Variants in RASGRP3 observed in about 807,000 individuals in gnomAD.
RASGRP3 encodes the protein RAS guanyl releasing protein 3, also known as ras guanyl-releasing protein 3.
RASGRP3 carries 54 observed loss-of-function variants against 82.7 expected under a neutral mutation model. That is an observed-to-expected ratio of 0.65 (90% CI 0.52 to 0.82). The LOEUF (loss-of-function observed/expected upper bound fraction) is 0.82, where lower values mean the gene tolerates loss of function less well. Among genes scored for constraint, RASGRP3 ranks in the 40% least tolerant of loss-of-function variants. RASGRP3 has a pLI of 0.00. For missense variants in RASGRP3, 861 were observed against 828.9 expected (o/e 1.04, Z -0.48); for synonymous variants, 309 against 300.5 (o/e 1.03, Z -0.29).
At chr2:33,496,968 A>C (rs1382754967) in intron 1 of RASGRP3, among the ~76,000 whole-genome samples, 1 of 152,228 alleles carries the variant, frequency 6.6e-6, no homozygotes, top group East Asian at 1.9e-4. Flanking sequence ...TGACATTTCA[A>C]GTGTAAATAC....
intron 1 of RASGRP3, among the ~76,000 whole-genome samples, chr2:33,445,906 T>A (rs1195174907): frequency 2.0e-5 from 3 of 152,162 alleles, no homozygotes; most frequent in Non-Finnish European, 4.4e-5. Flanking sequence ...ATTTATCTTG[T>A]TTCTTAATAT....
At chr2:33,497,513 T>C (rs560173001) in intron 1 of RASGRP3, among the ~76,000 whole-genome samples, 2 of 152,358 alleles carry the variant, frequency 1.3e-5, no homozygotes, top group African/African-American at 4.8e-5. Context: ...TTGTGTAATA[T>C]CCACTCCCCC....
chr2:33,551,146 C>G (rs930242808), intron 14 of RASGRP3, among the ~76,000 whole-genome samples: 14 of 152,162 alleles, frequency 9.2e-5, no homozygotes, highest in African/African-American at 3.4e-4. Context: ...AAACCCGTCT[C>G]TACCAAAAAT....
rs771714219 is a variant in RASGRP3 at position 33,558,346 on chromosome 2, T to C, written c.1705+10T>C. On this transcript the variant is annotated intron_variant, in intron 16 of 17. Coordinates refer to ENST00000403687, the MANE Select transcript of RASGRP3 (RefSeq NM_001139488.2). The stretch of plus-strand genomic sequence containing the variant: ...CCCTCGCTGCCCCCAGGTAATGCCC[T>C]CTGCTTTCTTTGCTGCCATGGTCTC... 2 of 1,612,924 alleles carry C rather than the reference T, an allele frequency of 1.2e-6. No homozygotes were observed. The highest frequency in any genetic ancestry group is 3.3e-5 in the Admixed American group (2 of 59,996).
At chr2:33,512,845 AT>A (rs894883565) in intron 2 of RASGRP3, among the ~76,000 whole-genome samples, 2 of 152,204 alleles carry the variant, frequency 1.3e-5, no homozygotes, top group Non-Finnish European at 2.9e-5. Context: ...AAACACAAAA[AT>A]CCCTACAATC....
At chr2:33,470,496 C>A (rs1666992588) in intron 2 of RASGRP3, among the ~76,000 whole-genome samples, 1 of 151,822 alleles carries the variant, frequency 6.6e-6, no homozygotes, top group South Asian at 2.1e-4. Flanking sequence ...TTTCCTGCCT[C>A]AGCCTCCCGA....
chr2:33,473,789 T>C (rs886508242), upstream of RASGRP3, among the ~76,000 whole-genome samples: 3 of 152,094 alleles, frequency 2.0e-5, no homozygotes, highest in African/African-American at 7.2e-5. Flanking sequence ...CTCCTGGCTA[T>C]AGAACTAGAA....
At chr2:33,457,356 C>A (rs1333144586) in intron 2 of RASGRP3, among the ~76,000 whole-genome samples, 1 of 151,898 alleles carries the variant, frequency 6.6e-6, no homozygotes, top group African/African-American at 2.4e-5. Context: ...GGTTTGTTGT[C>A]ACTGCAGATA....
intron 14 of RASGRP3, among the ~76,000 whole-genome samples, chr2:33,552,587 T>C (rs1675479510): frequency 6.6e-6 from 1 of 152,224 alleles, no homozygotes; most frequent in Non-Finnish European, 1.5e-5. Context: ...GCTCTATAGA[T>C]GTGTCATTGA....
chr2:33,509,652 C>T (rs1345806178), intron 1 of RASGRP3, among the ~76,000 whole-genome samples: 1 of 152,122 alleles, frequency 6.6e-6, no homozygotes. Flanking sequence ...TAAATTAGTG[C>T]CCCTCCCTAC....
rs377215232 is a variant in RASGRP3 at position 33,540,556 on chromosome 2, TTGTGTGTGTGTGTGTG to T, written c.1278+1380_1278+1395del. ...CTCTCTCTCTCTCTGTGTGTGTGTTTTGTGTGTGTGTGTGTGTGTGTGTGTGTGTGTGTGTGTGTGT... is the reference window on the plus strand; with the variant it reads ...CTCTCTCTCTCTCTGTGTGTGTGTTTTGTGTGTGTGTGTGTGTGTGTGTGT... On this transcript the variant is annotated intron_variant, in intron 12 of 17. Coordinates refer to ENST00000403687, the MANE Select transcript of RASGRP3 (RefSeq NM_001139488.2). Among the ~76,000 whole-genome samples, 5 of 38,654 alleles carry T rather than the reference TTGTGTGTGTGTGTGTG, an allele frequency of 1.3e-4. No homozygotes were observed. The South Asian group carries it at 2.3e-3, about 17-fold the overall frequency. The allele number at this position is 38,654 out of a possible 152,430, so 25.4% of individuals were successfully genotyped here.
intron 1 of RASGRP3, among the ~76,000 whole-genome samples, chr2:33,485,014 C>T (rs1220395223): frequency 6.6e-6 from 1 of 152,124 alleles, no homozygotes; most frequent in African/African-American, 2.4e-5. Context: ...GCCTGACCAA[C>T]AAGGAGAAAC....
rs182365790 is a variant in RASGRP3 at position 33,450,446 on chromosome 2, A to C, written c.-261+2503A>C. ...CTCTGTTACTGAGTTCAACTTTTTTAGATTTCACAAAAAATGAGATCCTGC... is the reference window on the plus strand; with the variant it reads ...CTCTGTTACTGAGTTCAACTTTTTTCGATTTCACAAAAAATGAGATCCTGC... On this transcript the variant is annotated intron_variant, in intron 2 of 18. Coordinates refer to the RASGRP3 transcript ENST00000402538. 7.9e-5 allele frequency among the ~76,000 whole-genome samples: 12 copies of C among 152,246 alleles called. No homozygotes were observed. In the East Asian group the frequency reaches 2.3e-3, roughly 29 times the overall value.
chr2:33,499,549 C>A (rs1395161574), intron 1 of RASGRP3, among the ~76,000 whole-genome samples: 1 of 152,072 alleles, frequency 6.6e-6, no homozygotes, highest in Admixed American at 6.5e-5. Context: ...CGGAGTGAGA[C>A]CCGCATCTCA....
chr2:33,556,711 C>T (rs903694558), intron 15 of RASGRP3, among the ~76,000 whole-genome samples: 1 of 152,068 alleles, frequency 6.6e-6, no homozygotes, highest in African/African-American at 2.4e-5. Flanking sequence ...AAAAAGCTTC[C>T]CAAATCTCAA....
intron 1 of RASGRP3, among the ~76,000 whole-genome samples, chr2:33,495,739 A>G (rs1440001274): frequency 2.0e-5 from 3 of 152,218 alleles, no homozygotes; most frequent in East Asian, 1.9e-4. Context: ...AAATAAAAAA[A>G]GAACAATTCT....
intron 1 of RASGRP3, among the ~76,000 whole-genome samples, chr2:33,444,160 G>C (rs1193358802): frequency 2.0e-5 from 3 of 152,036 alleles, no homozygotes; most frequent in African/African-American, 7.2e-5. Flanking sequence ...TTAAACATTA[G>C]CTGGGCATGG....
chr2:33,486,723 T>C (rs1446762126), intron 1 of RASGRP3, among the ~76,000 whole-genome samples: 3 of 152,148 alleles, frequency 2.0e-5, no homozygotes, highest in African/African-American at 7.2e-5. Context: ...GTTGGTGACA[T>C]TTAAGCTGGG....
chr2:33,505,153 T>TCACCACCACCACCAC (rs10652330), intron 1 of RASGRP3, among the ~76,000 whole-genome samples: 1 of 149,934 alleles, frequency 6.7e-6, no homozygotes, highest in African/African-American at 2.5e-5. Flanking sequence ...ATCATCATCA[T>TCACCACCACCACCAC]CACCACCACC....
Sources: gnomAD v4.1 joint callset for allele counts (sites outside exome capture counted in the v4.1 genomes callset) on GRCh38, gnomAD v4.1.1 for gene constraint, MANE v1.5 for transcripts, NCBI Gene and HGNC (gene_info 2026-07-23, HGNC 2026-07-21) for gene names.